CTCFL: variants seen among roughly 807,000 people sequenced by gnomAD.
CTCFL encodes transcriptional repressor CTCFL.
CTCFL carries 36 observed loss-of-function variants against 67.4 expected under a neutral mutation model. That is an observed-to-expected ratio of 0.53 (90% CI 0.41 to 0.71). The LOEUF is 0.71. CTCFL is among the 30% of genes least tolerant of loss of function. The pLI is 0.00. For synonymous variants in CTCFL, 324 were observed against 302.3 expected (o/e 1.07, Z -0.75); for missense variants, 786 against 835.2 (o/e 0.94, Z 0.73).
chr20:57,515,907 G>A (rs2068885215), intron 5 of CTCFL, 73 bp from the exon 6 acceptor site: 1 of 1,468,124 alleles, frequency 6.8e-7, no homozygotes, highest in South Asian at 1.3e-5. Context: ...AATCAGCATT[G>A]TAAAAGAGAT....
chr20:57,507,460 A>G (rs2068271763), intron 9 of CTCFL: 1 of 646,822 alleles, frequency 1.5e-6, no homozygotes, highest in Non-Finnish European at 2.8e-6. Context: ...GGCCTCCCGA[A>G]GTACTGGGAT....
intron 3 of CTCFL, 68 bp downstream of exon 3, chr20:57,523,000 C>T (rs2069501566): frequency 8.0e-7 from 1 of 1,252,432 alleles, no homozygotes; most frequent in Non-Finnish European, 1.1e-6. Context: ...CAATTACCAT[C>T]ACCTGCCCAT....
chr20:57,515,276 C>G (rs6015018), intron 6 of CTCFL: 2 of 171,822 alleles, frequency 1.2e-5, no homozygotes, highest in South Asian at 1.3e-4. Flanking sequence ...TCCCAAGTAG[C>G]TGGGACCACA....
At chr20:57,515,622 A>T in intron 6 of CTCFL, 92 bp downstream of exon 6, 1 of 1,540,736 alleles carries the variant, frequency 6.5e-7, no homozygotes, top group Non-Finnish European at 8.9e-7. Flanking sequence ...TTTACCTTTG[A>T]ACTTTAATTG....
intron 10 of CTCFL, among the ~76,000 whole-genome samples, chr20:57,501,969 CATG>C (rs2067939471): frequency 6.6e-6 from 1 of 152,358 alleles, no homozygotes; most frequent in South Asian, 2.1e-4. Context: ...GGCCTGTGGT[CATG>C]ATAAGAAGGG....
At chr20:57,515,566 G>T in intron 6 of CTCFL, 148 bp downstream of exon 6, 1 of 941,928 alleles carries the variant, frequency 1.1e-6, no homozygotes, top group Non-Finnish European at 1.7e-6. Flanking sequence ...AAAGGTAAAA[G>T]TACAGATCAA....
At chr20:57,502,563 C>T (rs139680062) in intron 10 of CTCFL, among the ~76,000 whole-genome samples, 113 of 152,246 alleles carry the variant, frequency 7.4e-4, no homozygotes, top group Admixed American at 3.3e-3. Context: ...TTGCTTGTGC[C>T]GTAAAAGTCT....
At chr20:57,513,219 T>C (rs1159251608) in intron 7 of CTCFL, 34 of 979,422 alleles carry the variant, frequency 3.5e-5, no homozygotes, top group Non-Finnish European at 4.1e-5. Flanking sequence ...TAAAAAGATA[T>C]AATATCTTTA....
downstream of CTCFL, among the ~76,000 whole-genome samples, chr20:57,496,733 C>A (rs1416489540): frequency 6.6e-6 from 1 of 152,238 alleles, no homozygotes; most frequent in Admixed American, 6.5e-5. Context: ...TTTCACTCAG[C>A]ATAACGTCCT....
chr20:57,511,077 A>G (rs962741049), intron 8 of CTCFL, among the ~76,000 whole-genome samples: 1 of 152,172 alleles, frequency 6.6e-6, no homozygotes, highest in African/African-American at 2.4e-5. Flanking sequence ...GGTCTCACTC[A>G]GTTGTCCGTG....
Position 57,523,191 on chromosome 20 carries a change from T to A in CTCFL, c.631A>T (p.Arg211Ter). ...ACTGTGAGAACAATTTCGTCACTTC[T>A]TTCATCTCCTGACATTGTTTCCACA... Reference protein sequence around the residue: ...FFVETMSGDERSDEIVLTVSN... With the variant: ...FFVETMSGDE Residue 211 changes from arginine (R) to a stop codon, truncating the protein, a stop_gained, in exon 3 of 11, where the codon AGA becomes TGA. Coordinates refer to ENST00000243914, the MANE Select transcript of CTCFL (RefSeq NM_001386993.1). LOFTEE classifies it high-confidence loss of function. The A allele has an allele frequency of 6.2e-7, 1 of 1,614,078 alleles. No individual in the cohort carries two copies. The highest frequency in any genetic ancestry group is 8.5e-7 in the Non-Finnish European group (1 of 1,180,018).
chr20:57,507,367 T>C (rs2068265990), intron 9 of CTCFL: 3 of 570,228 alleles, frequency 5.3e-6, no homozygotes, highest in African/African-American at 1.9e-5. Flanking sequence ...ATTTTCTTTT[T>C]TTTTTTTTAA....
At position 57,520,021 on chromosome 20, in the gene CTCFL, T is replaced by C. The variant is rs755587178; in HGVS notation, c.755-644A>G. ...ACTGAACAGGGCAGATAAAGACCAT[T>C]TCCATCAGCAAAAGAAGTTCTCTTG... is the stretch of plus-strand genomic sequence containing the variant. On this transcript the variant is annotated intron_variant, in intron 3 of 10. Transcript: ENST00000243914. 2.6e-5 allele frequency among the ~76,000 whole-genome samples: 4 copies of C among 152,140 alleles called. No homozygotes were observed. The South Asian group carries it at 6.2e-4, about 24-fold the overall frequency.
chr20:57,514,869 C>T, intron 6 of CTCFL, 128 bp from the exon 7 acceptor site: 1 of 935,358 alleles, frequency 1.1e-6, no homozygotes, highest in South Asian at 1.7e-5. Flanking sequence ...CGGACAACCC[C>T]CAATTAGTAT....
chr20:57,499,173 A>G (rs1439886236), intron 10 of CTCFL, among the ~76,000 whole-genome samples: 1 of 151,130 alleles, frequency 6.6e-6, no homozygotes, highest in Non-Finnish European at 1.5e-5. Context: ...GATCTCAGAG[A>G]TTTATATTGT....
chr20:57,508,383 CTTTT>C (rs369554819), intron 9 of CTCFL, among the ~76,000 whole-genome samples: 1 of 140,550 alleles, frequency 7.1e-6, no homozygotes, highest in African/African-American at 2.6e-5. Context: ...TTGGATTGTC[CTTTT>C]TTTTTTTTTT....
intron 3 of CTCFL, among the ~76,000 whole-genome samples, chr20:57,519,748 G>C (rs6025603): frequency 6.6e-6 from 1 of 152,132 alleles, no homozygotes; most frequent in Non-Finnish European, 1.5e-5. Flanking sequence ...CCCAAGAAAT[G>C]TGGCCCTGCA....
At chr20:57,521,778 C>G (rs538746198) in intron 3 of CTCFL, among the ~76,000 whole-genome samples, 58 of 152,344 alleles carry the variant, frequency 3.8e-4, no homozygotes, top group African/African-American at 1.3e-3. Context: ...ACAATACCAA[C>G]AAACCCTGCA....
At chr20:57,500,085 ATTTTTTTT>A (rs3068009) in intron 10 of CTCFL, 9 of 925,292 alleles carry the variant, frequency 9.7e-6, no homozygotes, top group African/African-American at 2.2e-5. Context: ...TCCTTGAAGT[ATTTTTTTT>A]TTTTTTTTTT....
Sources: allele counts gnomAD v4.1 joint callset (sites outside exome capture counted in the v4.1 genomes callset), GRCh38; gene constraint gnomAD v4.1.1; transcripts MANE v1.5; gene names NCBI Gene and HGNC (gene_info 2026-07-23, HGNC 2026-07-21).